The following PDZD2 variants were observed in gnomAD, a reference collection of about 807,000 sequenced individuals.
PDZD2 encodes the protein PDZ domain containing 2.
In PDZD2, 90 loss-of-function variants were observed where a neutral mutation model predicts 220.7. The observed-to-expected ratio is 0.41, with a 90% CI of 0.34 to 0.49. The LOEUF is 0.49. Among genes scored for constraint, PDZD2 ranks in the 20% least tolerant of loss-of-function variants. The pLI is 0.28. For missense variants in PDZD2, 3,174 were observed against 3,608.5 expected (o/e 0.88, Z 3.08); for synonymous variants, 1,375 against 1,450.5 (o/e 0.95, Z 1.18).
chr5:31,698,598 C>CA (rs755216242), intron 1 of PDZD2, among the ~76,000 whole-genome samples: 3,530 of 80,628 alleles, frequency 0.044, 148 homozygotes, highest in African/African-American at 0.14. Flanking sequence ...GACTCTGTCT[C>CA]AAAAAAAAAA....
rs114888187 is a variant in PDZD2, at chr5:31,640,042, G to A, written c.-361+605G>A. Reference sequence around the variant, plus strand: ...GATAGGGAAATCCTGCTCTCTCTCTGAAGTCGAGTTTCTCCTAAAATCTGG... The same window carrying A: ...GATAGGGAAATCCTGCTCTCTCTCTAAAGTCGAGTTTCTCCTAAAATCTGG... On this transcript the variant is annotated intron_variant, in intron 1 of 24. Coordinates refer to ENST00000438447, the MANE Select transcript of PDZD2 (RefSeq NM_178140.4). Among the ~76,000 whole-genome samples, 528 of 152,212 alleles carry A rather than the reference G, an allele frequency of 3.5e-3. 3 individuals are homozygous for A. Among genetic ancestry groups the A allele is most frequent in the African/African-American group, 0.012 (494 of 41,544 alleles).
intron 1 of PDZD2, among the ~76,000 whole-genome samples, chr5:31,688,624 T>C (rs1746967927): frequency 6.6e-6 from 1 of 152,102 alleles, no homozygotes; most frequent in African/African-American, 2.4e-5. Context: ...CACACACACA[T>C]ATCTGGGTCC....
intron 12 of PDZD2, 85 bp downstream of exon 12, chr5:32,058,188 C>A: frequency 1.3e-6 from 1 of 742,056 alleles, no homozygotes; most frequent in African/African-American, 1.7e-5. Flanking sequence ...CCTTGTTGTT[C>A]TATGAATTAT....
At chr5:31,663,826 C>T (rs982254024) in intron 1 of PDZD2, among the ~76,000 whole-genome samples, 3 of 151,858 alleles carry the variant, frequency 2.0e-5, no homozygotes, top group Non-Finnish European at 4.4e-5. Flanking sequence ...GGCCCTGAAC[C>T]GTTTGTGGCT....
At chr5:31,732,179 G>A (rs188464750) in intron 1 of PDZD2, among the ~76,000 whole-genome samples, 27 of 152,310 alleles carry the variant, frequency 1.8e-4, no homozygotes, top group African/African-American at 6.5e-4. Flanking sequence ...CTGATGGCTT[G>A]CCCTAGTTCT....
intron 2 of PDZD2, among the ~76,000 whole-genome samples, chr5:31,968,496 A>G (rs1053689819): frequency 6.6e-6 from 1 of 152,160 alleles, no homozygotes; most frequent in Non-Finnish European, 1.5e-5. Flanking sequence ...TCTACTAAAA[A>G]TACAAAATTA....
At chr5:31,932,861 G>GGTTT (rs1432667280) in intron 2 of PDZD2, among the ~76,000 whole-genome samples, 8 of 151,306 alleles carry the variant, frequency 5.3e-5, no homozygotes, top group South Asian at 2.1e-4. Flanking sequence ...AATCATATAG[G>GGTTT]GTTTGTCCTT....
intron 1 of PDZD2, among the ~76,000 whole-genome samples, chr5:31,785,417 A>G (rs995618027): frequency 4.7e-5 from 7 of 147,872 alleles, no homozygotes; most frequent in African/African-American, 1.7e-4. Flanking sequence ...TATATATGTC[A>G]TATATATTAT....
rs370704924 is a variant in PDZD2 at position 31,716,936 on chromosome 5, G to A, written c.-361+77499G>A. ...GGGGCCCTGTGTGAGAGTTCAAAGA[G>A]GTTGTTGGGGTGGGGTGGCGGTGAG... On this transcript the variant is annotated intron_variant, in intron 1 of 24. Coordinates refer to ENST00000438447, the MANE Select transcript of PDZD2 (RefSeq NM_178140.4). Among the ~76,000 whole-genome samples, 26 of 152,230 alleles carry A rather than the reference G, an allele frequency of 1.7e-4. No individual in the cohort carries two copies. The East Asian group carries it at 3.7e-3, about 21-fold the overall frequency.
Position 31,680,949 on chromosome 5 carries a change from G to A in PDZD2, c.-361+41512G>A, listed in dbSNP as rs988456912. ...CTTGCCCCTCGGACAATTGCTGACT[G>A]TGGACACCCATTCTGGGGACTGGCC... On this transcript the variant is annotated intron_variant, in intron 1 of 24. Coordinates refer to ENST00000438447, the MANE Select transcript of PDZD2 (RefSeq NM_178140.4). Among the ~76,000 whole-genome samples, 6 of 152,086 alleles carry A rather than the reference G, an allele frequency of 3.9e-5. No homozygotes were observed. In the East Asian group the frequency reaches 5.8e-4, roughly 15 times the overall value.
rs1746226581 is a variant in PDZD2, at chr5:31,941,699, A to G, written c.477-41456A>G. ...CCCATCCAAACTTTGTGTGATGAAA[A>G]TCCTGCTGTTTTCATACTGCTGAGA... On this transcript the variant is annotated intron_variant, in intron 2 of 24. Coordinates refer to ENST00000438447, the MANE Select transcript of PDZD2 (RefSeq NM_178140.4). Among the ~76,000 whole-genome samples, 6 of 152,192 alleles carry G rather than the reference A, an allele frequency of 3.9e-5. No homozygotes were observed. The South Asian group carries it at 1.2e-3, about 32-fold the overall frequency.
intron 5 of PDZD2, among the ~76,000 whole-genome samples, chr5:32,007,002 G>A (rs906869936): frequency 1.6e-5 from 2 of 124,836 alleles, no homozygotes; most frequent in Non-Finnish European, 3.2e-5. Context: ...TACAAGCTCC[G>A]CCTCCCAGGC....
rs570412118 is a variant in PDZD2, at chr5:31,865,269, TACA to T, written c.476+65550_476+65552del. Among the ~76,000 whole-genome samples the T allele has an allele frequency of 1.2e-3, 189 of 152,282 alleles. 1 individual carries two copies. Among genetic ancestry groups the T allele is most frequent in the African/African-American group, 4.4e-3 (182 of 41,564 alleles). Reference sequence around the variant, plus strand: ...GTCTTACACTGTTTAACATAGAGGTTACAACAATTGGCAACTCTTTTTTGTTGT... The same window carrying T: ...GTCTTACACTGTTTAACATAGAGGTTACAATTGGCAACTCTTTTTTGTTGT... On this transcript the variant is annotated intron_variant, in intron 2 of 24. Transcript: ENST00000438447.
intron 5 of PDZD2, among the ~76,000 whole-genome samples, chr5:32,003,912 A>G (rs1752600688): frequency 1.3e-5 from 2 of 152,042 alleles, no homozygotes; most frequent in East Asian, 1.9e-4. Flanking sequence ...GGGTTTCGCC[A>G]TGTTGGCCAG....
At chr5:32,023,841 C>G (rs1424795919) in intron 6 of PDZD2, among the ~76,000 whole-genome samples, 1 of 152,206 alleles carries the variant, frequency 6.6e-6, no homozygotes, top group Non-Finnish European at 1.5e-5. Context: ...CAGTAAACCT[C>G]TATCAGAAAA....
intron 1 of PDZD2, among the ~76,000 whole-genome samples, chr5:31,755,395 G>A (rs1456070946): frequency 4.6e-5 from 7 of 152,162 alleles, no homozygotes; most frequent in Admixed American, 6.5e-5. Flanking sequence ...CCGGCATTTC[G>A]GGGTGGGGGG....
At chr5:31,855,046 T>C in intron 2 of PDZD2, 3 of 985,352 alleles carry the variant, frequency 3.0e-6, no homozygotes, top group Non-Finnish European at 3.6e-6. Flanking sequence ...ATTAGGCTAA[T>C]GAGCTGCCCC....
intron 2 of PDZD2, among the ~76,000 whole-genome samples, chr5:31,960,026 G>A (rs1423835018): frequency 6.6e-6 from 1 of 152,056 alleles, no homozygotes; most frequent in Non-Finnish European, 1.5e-5. Flanking sequence ...TTTAGGGGCT[G>A]CCCTAATCCA....
intron 3 of PDZD2, among the ~76,000 whole-genome samples, chr5:31,984,504 T>C (rs986479838): frequency 1.3e-5 from 2 of 152,138 alleles, no homozygotes; most frequent in African/African-American, 4.8e-5. Context: ...AGATGCCCCT[T>C]AGGGATGAAA....
Sources: allele counts gnomAD v4.1 joint callset (sites outside exome capture counted in the v4.1 genomes callset), GRCh38; gene constraint gnomAD v4.1.1; transcripts MANE v1.5; gene names NCBI Gene and HGNC (gene_info 2026-07-23, HGNC 2026-07-21).